PDE4D: variants seen among roughly 807,000 people sequenced by gnomAD.
PDE4D encodes the protein phosphodiesterase 4D, also known as 3',5'-cyclic-AMP phosphodiesterase 4D.
PDE4D carries 24 observed loss-of-function variants against 87.4 expected under a neutral mutation model. That is an observed-to-expected ratio of 0.27 (90% CI 0.20 to 0.39). The LOEUF is 0.39. Ranked by LOEUF, PDE4D falls within the 10% of genes least tolerant of loss-of-function variation. PDE4D has a pLI of 1.00. For synonymous variants in PDE4D, 384 were observed against 383.2 expected, an observed-to-expected ratio of 1.00 and a Z score of -0.02; for missense variants, 714 against 1,041.0, an observed-to-expected ratio of 0.69 and a Z score of 4.32.
At chr5:60,286,590 C>A (rs542422987) in intron 1 of PDE4D, among the ~76,000 whole-genome samples, 4 of 152,220 alleles carry the variant, frequency 2.6e-5, no homozygotes, top group Non-Finnish European at 5.9e-5. Flanking sequence ...CCCATTACAC[C>A]GACTACCATT....
At chr5:59,074,694 G>A (rs1765395142) in intron 5 of PDE4D, among the ~76,000 whole-genome samples, 1 of 152,198 alleles carries the variant, frequency 6.6e-6, no homozygotes, top group African/African-American at 2.4e-5. Context: ...GGGAGGCAGA[G>A]GTTGTAGTGA....
At chr5:60,025,505 CTT>C (rs1049087083) in intron 2 of PDE4D, among the ~76,000 whole-genome samples, 3 of 152,012 alleles carry the variant, frequency 2.0e-5, no homozygotes, top group African/African-American at 7.2e-5. Flanking sequence ...CTCAAAACAA[CTT>C]TTTTTCTTGA....
intron 1 of PDE4D, among the ~76,000 whole-genome samples, chr5:60,334,830 G>A (rs779125125): frequency 4.6e-5 from 7 of 152,094 alleles, no homozygotes; most frequent in Admixed American, 3.3e-4. Flanking sequence ...GAATAAATAC[G>A]ATTCTAGATT....
intron 1 of PDE4D, among the ~76,000 whole-genome samples, chr5:59,701,034 C>T (rs1339857660): frequency 6.6e-6 from 1 of 152,170 alleles, no homozygotes; most frequent in African/African-American, 2.4e-5. Flanking sequence ...ACCTGGCTCA[C>T]AAGGTCCCCA....
rs60646746 is a variant in PDE4D at position 59,427,292 on chromosome 5, TACACACACAC to T, written c.456-211334_456-211325del. ...TGTGGCATACAGGGAAGTGATTTTA[TACACACACAC>T]ACACACACACACACACACACACACA... On this transcript the variant is annotated intron_variant, in intron 1 of 14. Transcript: ENST00000340635. Among the ~76,000 whole-genome samples the T allele has an allele frequency of 2.5e-3, 335 of 132,350 alleles. 1 individual carries two copies. The highest frequency in any genetic ancestry group is 4.8e-3 in the African/African-American group (167 of 34,978). The allele number at this position is 132,350 out of a possible 152,430, so 86.8% of individuals were successfully genotyped here.
At chr5:59,190,948 T>C (rs1438750746) in intron 3 of PDE4D, among the ~76,000 whole-genome samples, 2 of 152,170 alleles carry the variant, frequency 1.3e-5, no homozygotes, top group East Asian at 3.9e-4. Flanking sequence ...CGGCAGCCTC[T>C]CAAGTAATGA....
intron 2 of PDE4D, among the ~76,000 whole-genome samples, chr5:60,160,163 ATT>A (rs1562166721): frequency 6.6e-6 from 1 of 152,104 alleles, no homozygotes; most frequent in Non-Finnish European, 1.5e-5. Flanking sequence ...TCTTAATAAC[ATT>A]TTCTTTTCTC....
chr5:59,255,796 GA>G (rs1385316540), intron 1 of PDE4D, among the ~76,000 whole-genome samples: 2 of 152,044 alleles, frequency 1.3e-5, no homozygotes, highest in African/African-American at 2.4e-5. Context: ...GAAAACTAGT[GA>G]AAATGGATAC....
intron 1 of PDE4D, among the ~76,000 whole-genome samples, chr5:59,378,414 C>T (rs971739737): frequency 1.3e-5 from 2 of 151,778 alleles, no homozygotes; most frequent in Non-Finnish European, 1.5e-5. Context: ...TGCACATGTA[C>T]CCCTGAACTT....
At chr5:59,026,575 A>G (rs538790326) in intron 6 of PDE4D, among the ~76,000 whole-genome samples, 11 of 152,212 alleles carry the variant, frequency 7.2e-5, no homozygotes, top group Admixed American at 1.3e-4. Flanking sequence ...AGACCTCATC[A>G]GAACAATAAA....
intron 2 of PDE4D, among the ~76,000 whole-genome samples, chr5:60,169,486 G>A (rs1197312559): frequency 6.6e-6 from 1 of 151,836 alleles, no homozygotes; most frequent in Non-Finnish European, 1.5e-5. Flanking sequence ...CTCACAAAGA[G>A]CACAACAATT....
At chr5:59,969,466 T>C (rs971168137) in intron 3 of PDE4D, among the ~76,000 whole-genome samples, 9 of 152,184 alleles carry the variant, frequency 5.9e-5, no homozygotes, top group African/African-American at 2.2e-4. Flanking sequence ...TCTCAAGGGT[T>C]TCTGAGAATG....
At chr5:60,407,820 T>C (rs1179415424) in intron 1 of PDE4D, among the ~76,000 whole-genome samples, 1 of 152,136 alleles carries the variant, frequency 6.6e-6, no homozygotes, top group Non-Finnish European at 1.5e-5. Flanking sequence ...GTTTAAAACA[T>C]GGCTGCAAAA....
At chr5:59,813,507 C>T (rs1768615494) in intron 1 of PDE4D, among the ~76,000 whole-genome samples, 2 of 151,802 alleles carry the variant, frequency 1.3e-5, no homozygotes, top group African/African-American at 4.8e-5. Context: ...GTTACCTTTC[C>T]CCCGGGGAAT....
At chr5:59,634,063 G>A (rs1207738675) in intron 1 of PDE4D, among the ~76,000 whole-genome samples, 12 of 149,858 alleles carry the variant, frequency 8.0e-5, no homozygotes, top group South Asian at 2.1e-4. Context: ...CAAACAGAAA[G>A]AAAAAAAAAA....
At chr5:60,056,158 C>T (rs903198301) in intron 2 of PDE4D, among the ~76,000 whole-genome samples, 1 of 151,980 alleles carries the variant, frequency 6.6e-6, no homozygotes, top group African/African-American at 2.4e-5. Context: ...CTTCTACTCC[C>T]CAAAATTGCC....
chr5:59,888,292 C>G (rs1750463258), intron 1 of PDE4D, among the ~76,000 whole-genome samples: 1 of 152,196 alleles, frequency 6.6e-6, no homozygotes, highest in Non-Finnish European at 1.5e-5. Context: ...CTGCCCACCA[C>G]CTCCCATTTC....
chr5:60,212,274 A>G (rs962030222), intron 1 of PDE4D, among the ~76,000 whole-genome samples: 1 of 152,080 alleles, frequency 6.6e-6, no homozygotes, highest in Non-Finnish European at 1.5e-5. Flanking sequence ...TTCTCTTTTT[A>G]TAATAGAAAA....
At chr5:60,105,494 T>C (rs1012971133) in intron 2 of PDE4D, among the ~76,000 whole-genome samples, 11 of 151,928 alleles carry the variant, frequency 7.2e-5, no homozygotes, top group Admixed American at 2.0e-4. Flanking sequence ...AACATTCAGA[T>C]ACAGGAAACA....
Sources: allele counts gnomAD v4.1 joint callset (sites outside exome capture counted in the v4.1 genomes callset), GRCh38; gene constraint gnomAD v4.1.1; transcripts MANE v1.5; gene names NCBI Gene and HGNC (gene_info 2026-07-23, HGNC 2026-07-21).